The following COL9A2 variants were observed in gnomAD, a reference collection of about 807,000 sequenced individuals.
COL9A2 encodes collagen alpha-2(IX) chain.
Under a neutral mutation model 111.6 loss-of-function variants are expected in COL9A2, and 66 were observed. That is an observed-to-expected ratio of 0.59 (90% CI 0.48 to 0.73). The LOEUF is 0.73. COL9A2 is among the 30% of genes least tolerant of loss of function. The pLI is 0.00. For synonymous variants in COL9A2, 353 were observed against 364.1 expected, an observed-to-expected ratio of 0.97 and a Z score of 0.35; for missense variants, 881 against 954.1, an observed-to-expected ratio of 0.92 and a Z score of 1.01.
In COL9A2 at chr1:40,316,971, C is replaced by T; in HGVS notation, c.75+152G>A. ...GGTGCCGCGATGGGCACCATGTATG[C>T]ACCCACCGAGGGGACCTGCCCGCGG... On this transcript the variant is annotated intron_variant, in intron 1 of 31. Transcript: ENST00000372748. This position sits in a 1 kb window ranked among gnomAD's most constrained non-coding sequence, Gnocchi z 5.5. 1.3e-6 allele frequency: 1 copy of T among 765,088 alleles called. No individual in the cohort carries two copies. 47.4% of individuals were successfully genotyped at this position (765,088 alleles called of 1,614,324 possible).
chr1:40,312,822 A>G lies in COL9A2; in HGVS notation c.250-38T>C, dbSNP rs1178726961. 3 of 1,537,526 alleles carry G rather than the reference A, an allele frequency of 2.0e-6. No individual in the cohort carries two copies. The highest frequency in any genetic ancestry group is 1.8e-6 in the Non-Finnish European group (2 of 1,135,828). On this transcript the variant is annotated intron_variant, in intron 4 of 31. Transcript: ENST00000372748. The surrounding 1 kb of genome is among the most constrained non-coding windows in gnomAD (Gnocchi z 6.0). ...GAAAATGTAGGATCAATGAGGGCCA[A>G]CCTGCTCCCTGACCCACAGAGCAGG...
Position 40,311,753 on chromosome 1 carries a change from G to T in COL9A2, c.418-38C>A, listed in dbSNP as rs368403119. On this transcript the variant is annotated intron_variant, in intron 8 of 31. Coordinates refer to ENST00000372748, the MANE Select transcript of COL9A2 (RefSeq NM_001852.4). This position sits in a 1 kb window ranked among gnomAD's most constrained non-coding sequence, Gnocchi z 5.1. ...GAAGCCCAAATCATACCCCTGACCA[G>T]CCCTTACCAGCTTACCCTAGTGCCC... The T allele has an allele frequency of 1.9e-6, 3 of 1,603,966 alleles. No individual in the cohort carries two copies. The highest frequency in any genetic ancestry group is 2.6e-6 in the Non-Finnish European group (3 of 1,171,686).
At position 40,303,500 on chromosome 1, in the gene COL9A2, A is replaced by C. The variant is rs748611197; in HGVS notation, c.1548+30T>G. The C allele has an allele frequency of 1.9e-6, 3 of 1,612,384 alleles. No homozygotes were observed. Among genetic ancestry groups the C allele is most frequent in the African/African-American group, 2.7e-5 (2 of 74,846 alleles). ...ACCCCAGAACAGATCTACCTAGAAG[A>C]AGCACCTCCTACCCCGGGGCCCGAC... On this transcript the variant is annotated intron_variant, in intron 28 of 31. Coordinates refer to ENST00000372748, the MANE Select transcript of COL9A2 (RefSeq NM_001852.4). This position sits in a 1 kb window ranked among gnomAD's most constrained non-coding sequence, Gnocchi z 4.6.
intron 2 of COL9A2, chr1:40,315,315 A>G: frequency 7.7e-7 from 1 of 1,291,606 alleles, no homozygotes; most frequent in South Asian, 2.0e-5. Flanking sequence ...GGGAAAGGAG[A>G]GGAGGGGGAT....
chr1:40,302,847 T>C lies in COL9A2; in HGVS notation c.1604-38A>G. ...AGGGAGGGAGGGAGAGGGAAGTCTA[T>C]GAGATGGGTGTCAGCAGTAACACTA... On this transcript the variant is annotated intron_variant, in intron 29 of 31. Coordinates refer to ENST00000372748, the MANE Select transcript of COL9A2 (RefSeq NM_001852.4). This position sits in a 1 kb window ranked among gnomAD's most constrained non-coding sequence, Gnocchi z 4.5. 1 of 1,529,948 alleles carries C rather than the reference T, an allele frequency of 6.5e-7. No homozygotes were observed. The highest frequency in any genetic ancestry group is 8.8e-7 in the Non-Finnish European group (1 of 1,134,630). The allele number at this position is 1,529,948 out of a possible 1,614,324, so 94.8% of individuals were successfully genotyped here. A position where few individuals can be genotyped will look rare whatever the true frequency, so the allele number is the denominator to read the frequency against.
intron 16 of COL9A2, among the ~76,000 whole-genome samples, chr1:40,308,972 G>A (rs556758449): frequency 7.2e-5 from 11 of 152,282 alleles, no homozygotes; most frequent in South Asian, 2.1e-4. Context: ...ATTGCTGGGC[G>A]TGTTGGCTCA....
rs913602901 is a variant in COL9A2 at position 40,312,307 on chromosome 1, T to C, written c.363+149A>G. The C allele has an allele frequency of 4.2e-6, 5 of 1,193,320 alleles. No individual in the cohort carries two copies. Among genetic ancestry groups the C allele is most frequent in the Non-Finnish European group, 6.1e-6 (5 of 823,910 alleles). The allele number at this position is 1,193,320 out of a possible 1,614,324, so 73.9% of individuals were successfully genotyped here. On this transcript the variant is annotated intron_variant, in intron 7 of 31. Transcript: ENST00000372748. This position sits in a 1 kb window ranked among gnomAD's most constrained non-coding sequence, Gnocchi z 6.0. ...GCCAGTGGACAGGCCCAGAGTGGGCTGGCCCTGGGTCTCTGGCAGGTCCAC... is the reference window on the plus strand; with the variant it reads ...GCCAGTGGACAGGCCCAGAGTGGGCCGGCCCTGGGTCTCTGGCAGGTCCAC...
chr1:40,304,932 T>C (rs768773796), intron 21 of COL9A2, 85 bp from the exon 22 acceptor site: 1 of 1,222,528 alleles, frequency 8.2e-7, no homozygotes, highest in Non-Finnish European at 1.1e-6. Context: ...CTACCCTGGG[T>C]CTCAGCTAAT....
chr1:40,303,690 GGGGTGGGAGCAGAGCC>G lies in COL9A2; in HGVS notation c.1402-30_1402-15del. ...ACGTACTCCTTGCTGCGGGGGGATG[GGGGTGGGAGCAGAGCC>G]GGGTGAGAAGGCGCCCGGGTGGGCG... On this transcript the variant is annotated splice_polypyrimidine_tract_variant and intron_variant, in intron 27 of 31. Transcript: ENST00000372748. The surrounding 1 kb of genome is among the most constrained non-coding windows in gnomAD (Gnocchi z 4.6). The G allele has an allele frequency of 2.6e-6, 4 of 1,552,928 alleles. No homozygotes were observed. The highest frequency in any genetic ancestry group is 3.5e-6 in the Non-Finnish European group (4 of 1,148,600).
Position 40,314,066 on chromosome 1 carries a change from C to G in COL9A2, c.249+139G>C. On this transcript the variant is annotated intron_variant, in intron 4 of 31. Transcript: ENST00000372748. The surrounding 1 kb of genome is among the most constrained non-coding windows in gnomAD (Gnocchi z 4.1). ...GTTCCAGGAAGGTCACAAGTCATATCAAGGTGAGGGGGGCTCACAGCTGGA... is the reference window on the plus strand; with the variant it reads ...GTTCCAGGAAGGTCACAAGTCATATGAAGGTGAGGGGGGCTCACAGCTGGA... 1.0e-6 allele frequency: 1 copy of G among 966,482 alleles called. No homozygotes were observed. Among genetic ancestry groups the G allele is most frequent in the Non-Finnish European group, 1.7e-6 (1 of 595,746 alleles). 59.9% of individuals were successfully genotyped at this position (966,482 alleles called of 1,614,324 possible).
Position 40,303,167 on chromosome 1 carries a change from G to T in COL9A2, c.1567C>A (p.Gln523Lys), listed in dbSNP as rs762429171. 3 of 1,612,392 alleles carry T rather than the reference G, an allele frequency of 1.9e-6. No individual in the cohort carries two copies. The Admixed American group carries it at 5.0e-5, about 27-fold the overall frequency. ...TTCAGCGCCACATCCACGATGTGCT[G>T]GTCAGTGGCATCCCGGCCCTGAAAG... ...QGVEGRDATD[Q>K]HIVDVALKML... Residue 523 changes from glutamine (Q) to lysine (K), a missense_variant, in exon 29 of 32, where the codon CAG becomes AAG. Gln to Lys is a moderately conservative substitution (Grantham distance 53). Transcript: ENST00000372748. The surrounding 1 kb of genome is among the most constrained non-coding windows in gnomAD (Gnocchi z 4.6).
In COL9A2 at chr1:40,301,893, T is replaced by C; in HGVS notation, c.1793-4A>G. 6.2e-7 allele frequency: 1 copy of C among 1,613,386 alleles called. No homozygotes were observed. The highest frequency in any genetic ancestry group is 1.1e-5 in the South Asian group (1 of 90,888). On this transcript the variant is annotated splice_polypyrimidine_tract_variant and splice_region_variant and intron_variant, in intron 30 of 31. Coordinates refer to ENST00000372748, the MANE Select transcript of COL9A2 (RefSeq NM_001852.4). ...TCACCCTTCTCTCCACGTTTTCCTG[T>C]AGACAAAAAAGGAAATCTTCATTTT...
Position 40,302,710 on chromosome 1 carries a change from C to T in COL9A2, c.1703G>A (p.Gly568Asp), listed in dbSNP as rs1404451677. 6.3e-7 allele frequency: 1 copy of T among 1,581,634 alleles called. No homozygotes were observed. The highest frequency in any genetic ancestry group is 8.6e-7 in the Non-Finnish European group (1 of 1,165,180). ...PGPPGPPGYPGKQGPHGHPGP... is the reference protein window; with the variant it reads ...PGPPGPPGYPDKQGPHGHPGP... ...AGGGTGCCCATGGGGGCCCTGCTTG[C>T]CTGGGTACCCAGGGGGCCCAGGAGG... The change falls in exon 30 of 32, where the codon GGC (glycine) becomes GAC (aspartate). Residue 568 changes from glycine to aspartate, a missense_variant. By Grantham distance (94) the Gly-to-Asp change is moderately conservative. Coordinates refer to ENST00000372748, the MANE Select transcript of COL9A2 (RefSeq NM_001852.4). The surrounding 1 kb of genome is among the most constrained non-coding windows in gnomAD (Gnocchi z 4.5).
In COL9A2 at chr1:40,310,687, G is replaced by C. The variant is rs368537260; in HGVS notation, c.684+27C>G. 4.5e-6 allele frequency: 7 copies of C among 1,561,406 alleles called. No individual in the cohort carries two copies. The highest frequency in any genetic ancestry group is 1.4e-5 in the African/African-American group (1 of 73,660). The stretch of plus-strand genomic sequence containing the variant: ...AGGGCTCCTGGGGTGAGGGAGAAGA[G>C]GGCCACTGAGGCAAGGTGTTCCTTA... On this transcript the variant is annotated intron_variant, in intron 13 of 31. Transcript: ENST00000372748. The surrounding 1 kb of genome is among the most constrained non-coding windows in gnomAD (Gnocchi z 4.9).
At position 40,307,637 on chromosome 1, in the gene COL9A2, G is replaced by A; in HGVS notation, c.954+66C>T. 2 of 1,598,800 alleles carry A rather than the reference G, an allele frequency of 1.3e-6. No individual in the cohort carries two copies. Among genetic ancestry groups the A allele is most frequent in the Non-Finnish European group, 1.7e-6 (2 of 1,168,342 alleles). ...CATGACCTGAGGACCCCAGGCTCTTGGTGTCTAGAATCCAGGACTCAAGGT... is the reference window on the plus strand; with the variant it reads ...CATGACCTGAGGACCCCAGGCTCTTAGTGTCTAGAATCCAGGACTCAAGGT... On this transcript the variant is annotated intron_variant, in intron 18 of 31. Transcript: ENST00000372748. The surrounding 1 kb of genome is among the most constrained non-coding windows in gnomAD (Gnocchi z 4.8).
rs760647943 is a variant in COL9A2 at position 40,307,446 on chromosome 1, C to T, written c.1008G>A (p.Ala336=). 1.6e-5 allele frequency: 26 copies of T among 1,613,886 alleles called. No homozygotes were observed. Among genetic ancestry groups the T allele is most frequent in the East Asian group, 1.1e-4 (5 of 44,874 alleles). ...QPGSPGHQGL[A]GVPGQPGTKG... Reference sequence around the variant, plus strand: ...CCCTGTGGCTCCACCTGACACTTACCGCTAGGCCCTGGTGGCCTGGACTTC... The same window carrying T: ...CCCTGTGGCTCCACCTGACACTTACTGCTAGGCCCTGGTGGCCTGGACTTC... Residue 336 remains alanine, a splice_region_variant and synonymous_variant, in exon 19 of 32, where the codon GCG becomes GCA. Coordinates refer to ENST00000372748, the MANE Select transcript of COL9A2 (RefSeq NM_001852.4). The surrounding 1 kb of genome is among the most constrained non-coding windows in gnomAD (Gnocchi z 4.8).
rs1292462509 is a variant in COL9A2, at chr1:40,317,044, G to C, written c.75+79C>G. The C allele has an allele frequency of 7.1e-7, 1 of 1,416,954 alleles. No individual in the cohort carries two copies. Among genetic ancestry groups the C allele is most frequent in the East Asian group, 2.5e-5 (1 of 40,294 alleles). 87.8% of individuals were successfully genotyped at this position (1,416,954 alleles called of 1,614,324 possible). A position where few individuals can be genotyped will look rare whatever the true frequency, so the allele number is the denominator to read the frequency against. On this transcript the variant is annotated intron_variant, in intron 1 of 31. Coordinates refer to ENST00000372748, the MANE Select transcript of COL9A2 (RefSeq NM_001852.4). This position sits in a 1 kb window ranked among gnomAD's most constrained non-coding sequence, Gnocchi z 4.3. ...GGGCTAGGGGTGTCAGTAGGCGCGG[G>C]ACACAGGCAGAGCTCCTCCATCCCG...
At chr1:40,306,346 C>G (rs1644029884) in intron 19 of COL9A2, among the ~76,000 whole-genome samples, 159 bp from the exon 20 acceptor site, 1 of 152,258 alleles carries the variant, frequency 6.6e-6, no homozygotes, top group Non-Finnish European at 1.5e-5. Flanking sequence ...TACATTCCCA[C>G]AGTGGTGGCA....
chr1:40,309,527 A>G (rs1413710554), intron 16 of COL9A2, among the ~76,000 whole-genome samples: 1 of 151,680 alleles, frequency 6.6e-6, no homozygotes, highest in African/African-American at 2.4e-5. Context: ...GTCTGGCCCC[A>G]GTGACCATGG....
Sources: gnomAD v4.1 joint callset for allele counts (sites outside exome capture counted in the v4.1 genomes callset) on GRCh38, gnomAD v4.1.1 for gene constraint, Gnocchi (gnomAD v3.1) non-coding constraint, MANE v1.5 for transcripts, NCBI Gene and HGNC (gene_info 2026-07-23, HGNC 2026-07-21) for gene names.